The following ARID4B variants were observed in gnomAD, a reference collection of about 807,000 sequenced individuals.
The protein encoded by ARID4B is AT-rich interactive domain-containing protein 4B.
In ARID4B, 26 loss-of-function variants were observed where a neutral mutation model predicts 147.5. The observed-to-expected ratio is 0.18, with a 90% CI of 0.13 to 0.24. The LOEUF (loss-of-function observed/expected upper bound fraction) is 0.24, where lower values mean the gene tolerates loss of function less well. Ranked by LOEUF, ARID4B falls within the 10% of genes least tolerant of loss-of-function variation. ARID4B has a pLI of 1.00. For missense variants in ARID4B, 1,179 were observed against 1,511.5 expected (o/e 0.78, Z 3.65); for synonymous variants, 512 against 507.9 (o/e 1.01, Z -0.11).
At chr1:235,170,495 T>G (rs973734428) in intron 23 of ARID4B, among the ~76,000 whole-genome samples, 6 of 152,016 alleles carry the variant, frequency 3.9e-5, no homozygotes, top group Admixed American at 6.6e-5. Flanking sequence ...TCCCAGCACT[T>G]TGGGAGGACT....
At chr1:235,211,830 TTTA>T (rs998349829) in intron 17 of ARID4B, among the ~76,000 whole-genome samples, 82 of 152,320 alleles carry the variant, frequency 5.4e-4, no homozygotes, top group African/African-American at 2.0e-3. Flanking sequence ...GGTAAGATAA[TTTA>T]GTAAGATCAA....
intron 13 of ARID4B, among the ~76,000 whole-genome samples, chr1:235,222,299 A>T (rs1667524021): frequency 6.6e-6 from 1 of 152,202 alleles, no homozygotes; most frequent in South Asian, 2.1e-4. Context: ...AAATGGAGAC[A>T]AACATTTTTA....
At chr1:235,272,051 C>G (rs150687029) in intron 2 of ARID4B, among the ~76,000 whole-genome samples, 2 of 152,240 alleles carry the variant, frequency 1.3e-5, no homozygotes, top group African/African-American at 4.8e-5. Flanking sequence ...ACGTCATCAA[C>G]AAGAAACATC....
intron 2 of ARID4B, among the ~76,000 whole-genome samples, chr1:235,267,794 C>T (rs1670706496): frequency 6.6e-6 from 1 of 152,000 alleles, no homozygotes; most frequent in Admixed American, 6.5e-5. Flanking sequence ...GGCCCAGCTA[C>T]TCGGGAGGCT....
intron 2 of ARID4B, among the ~76,000 whole-genome samples, chr1:235,316,488 G>A (rs559899523): frequency 4.0e-4 from 61 of 152,014 alleles, no homozygotes; most frequent in Non-Finnish European, 7.5e-4. Flanking sequence ...CAGCCTGGGC[G>A]ACACAGCAAG....
intron 2 of ARID4B, among the ~76,000 whole-genome samples, chr1:235,263,550 T>C (rs996070781): frequency 6.6e-6 from 1 of 152,142 alleles, no homozygotes; most frequent in African/African-American, 2.4e-5. Flanking sequence ...AATATAAAAA[T>C]CCGTGTTGAC....
intron 18 of ARID4B, among the ~76,000 whole-genome samples, chr1:235,194,688 G>A (rs192997426): frequency 1.1e-4 from 16 of 152,138 alleles, no homozygotes; most frequent in African/African-American, 2.9e-4. Flanking sequence ...GGGTGGTGGC[G>A]CATGCCTGTA....
At chr1:235,198,341 A>G (rs183878646) in intron 17 of ARID4B, among the ~76,000 whole-genome samples, 1 of 152,230 alleles carries the variant, frequency 6.6e-6, no homozygotes, top group African/African-American at 2.4e-5. Context: ...TTAAGAATAC[A>G]TGCATGATAT....
intron 2 of ARID4B, among the ~76,000 whole-genome samples, chr1:235,314,663 A>G (rs1271769312): frequency 1.3e-5 from 2 of 152,222 alleles, no homozygotes; most frequent in African/African-American, 2.4e-5. Context: ...AAGAAAGGTT[A>G]GAAACAACAG....
At chr1:235,219,582 A>G (rs1667307251) in intron 16 of ARID4B, among the ~76,000 whole-genome samples, 1 of 152,214 alleles carries the variant, frequency 6.6e-6, no homozygotes, top group Admixed American at 6.5e-5. Flanking sequence ...GATGAGAGCA[A>G]GAAGGGTGGA....
intron 3 of ARID4B, among the ~76,000 whole-genome samples, chr1:235,260,111 G>C (rs1670207006): frequency 6.6e-6 from 1 of 152,108 alleles, no homozygotes; most frequent in Non-Finnish European, 1.5e-5. Flanking sequence ...CAAAACTCAA[G>C]TACTTTAGAA....
At chr1:235,303,476 C>A (rs1177887576) in intron 2 of ARID4B, among the ~76,000 whole-genome samples, 1 of 151,952 alleles carries the variant, frequency 6.6e-6, no homozygotes, top group Non-Finnish European at 1.5e-5. Flanking sequence ...TGTAATCCAG[C>A]ACTTTGAGGG....
intron 2 of ARID4B, among the ~76,000 whole-genome samples, chr1:235,262,264 G>C (rs1670338885): frequency 6.6e-6 from 1 of 152,118 alleles, no homozygotes; most frequent in South Asian, 2.1e-4. Context: ...ATATTCTAGT[G>C]CTATAACAGG....
intron 2 of ARID4B, among the ~76,000 whole-genome samples, chr1:235,319,466 G>A (rs1470681645): frequency 1.3e-5 from 2 of 152,142 alleles, no homozygotes; most frequent in Non-Finnish European, 2.9e-5. Flanking sequence ...AGCTGTGATT[G>A]CGCCACTACA....
chr1:235,208,331 T>G (rs1666463230), intron 17 of ARID4B, among the ~76,000 whole-genome samples: 1 of 152,144 alleles, frequency 6.6e-6, no homozygotes, highest in South Asian at 2.1e-4. Context: ...AAGGGATCAA[T>G]TAGATAATTA....
intron 8 of ARID4B, among the ~76,000 whole-genome samples, chr1:235,238,031 C>G (rs1668721315): frequency 6.6e-6 from 1 of 151,482 alleles, no homozygotes; most frequent in South Asian, 2.1e-4. Context: ...GTCATACCAG[C>G]TACTCGGGAG....
chr1:235,290,724 G>T (rs951744525), intron 2 of ARID4B, among the ~76,000 whole-genome samples: 1 of 152,190 alleles, frequency 6.6e-6, no homozygotes, highest in Non-Finnish European at 1.5e-5. Flanking sequence ...CCAGAGACGG[G>T]GAGACAACTT....
At chr1:235,293,138 C>T (rs1672447442) in intron 2 of ARID4B, among the ~76,000 whole-genome samples, 1 of 152,204 alleles carries the variant, frequency 6.6e-6, no homozygotes, top group Admixed American at 6.5e-5. Flanking sequence ...TTCATCTCAG[C>T]AACACTATGA....
At chr1:235,270,079 C>T (rs573202995) in intron 2 of ARID4B, among the ~76,000 whole-genome samples, 2 of 151,998 alleles carry the variant, frequency 1.3e-5, no homozygotes, top group Admixed American at 6.6e-5. Context: ...GTCAGGAGAT[C>T]GAGACCATCT....
Sources: gnomAD v4.1 joint callset for allele counts (sites outside exome capture counted in the v4.1 genomes callset) on GRCh38, gnomAD v4.1.1 for gene constraint, MANE v1.5 for transcripts, NCBI Gene and HGNC (gene_info 2026-07-23, HGNC 2026-07-21) for gene names.